The following SPOCK1 variants were observed in gnomAD, a reference collection of about 807,000 sequenced individuals.
The protein encoded by SPOCK1 is testican-1.
A neutral mutation model predicts 55.3 loss-of-function variants in SPOCK1; 23 were observed. The observed-to-expected ratio is 0.42, with a 90% CI of 0.30 to 0.59. The LOEUF (loss-of-function observed/expected upper bound fraction) is 0.59. Ranked by LOEUF, SPOCK1 falls within the 20% of genes least tolerant of loss-of-function variation. SPOCK1 has a pLI of 0.22. For synonymous variants in SPOCK1, 226 were observed against 221.0 expected, an observed-to-expected ratio of 1.02 and a Z score of -0.20; for missense variants, 499 against 552.5, an observed-to-expected ratio of 0.90 and a Z score of 0.97.
At chr5:137,471,513 A>G (rs1753737370) in intron 2 of SPOCK1, among the ~76,000 whole-genome samples, 1 of 152,198 alleles carries the variant, frequency 6.6e-6, no homozygotes, top group African/African-American at 2.4e-5. Context: ...AGTCACCGCT[A>G]TTCCTATCTG....
At chr5:137,120,297 AC>A (rs1480309672) in intron 4 of SPOCK1, among the ~76,000 whole-genome samples, 1 of 152,174 alleles carries the variant, frequency 6.6e-6, no homozygotes, top group African/African-American at 2.4e-5. Flanking sequence ...TTTCTTAAGC[AC>A]CTTCAAAACT....
chr5:137,074,345 A>G (rs1752684034), intron 5 of SPOCK1, among the ~76,000 whole-genome samples: 1 of 152,212 alleles, frequency 6.6e-6, no homozygotes, highest in South Asian at 2.1e-4. Context: ...TCTTACAGGC[A>G]TAATACCTAC....
chr5:137,398,577 G>C (rs1056878492), intron 2 of SPOCK1, among the ~76,000 whole-genome samples: 1 of 152,150 alleles, frequency 6.6e-6, no homozygotes. Context: ...CTCAGGAAGA[G>C]AGAAACAAAT....
chr5:137,243,961 A>G (rs1009410763), intron 3 of SPOCK1, among the ~76,000 whole-genome samples: 2 of 152,186 alleles, frequency 1.3e-5, no homozygotes, highest in African/African-American at 4.8e-5. Flanking sequence ...AAAAGCAATG[A>G]GGATGAAACT....
At chr5:137,376,473 C>A (rs1305426843) in intron 2 of SPOCK1, among the ~76,000 whole-genome samples, 1 of 152,204 alleles carries the variant, frequency 6.6e-6, no homozygotes, top group Non-Finnish European at 1.5e-5. Flanking sequence ...ATCACAATTG[C>A]ACTCTGATTT....
At chr5:137,129,335 T>C (rs573353912) in intron 4 of SPOCK1, among the ~76,000 whole-genome samples, 1 of 152,306 alleles carries the variant, frequency 6.6e-6, no homozygotes, top group South Asian at 2.1e-4. Context: ...ACCTTTGTAA[T>C]TGCCTGATAG....
At chr5:137,367,898 G>A (rs952155550) in intron 2 of SPOCK1, among the ~76,000 whole-genome samples, 4 of 152,230 alleles carry the variant, frequency 2.6e-5, no homozygotes, top group Non-Finnish European at 5.9e-5. Context: ...TAGCCAAGGC[G>A]AGGGCAAAGG....
intron 3 of SPOCK1, among the ~76,000 whole-genome samples, chr5:137,251,826 A>G (rs1756536073): frequency 6.6e-6 from 1 of 152,238 alleles, no homozygotes; most frequent in African/African-American, 2.4e-5. Context: ...AATACATTAC[A>G]ATTTGGTACT....
chr5:137,406,610 G>A (rs1016113991), intron 2 of SPOCK1, among the ~76,000 whole-genome samples: 1 of 152,176 alleles, frequency 6.6e-6, no homozygotes, highest in African/African-American at 2.4e-5. Flanking sequence ...GAAGAATACT[G>A]ACTACATGCC....
chr5:137,340,710 G>T (rs1369636415), intron 2 of SPOCK1, among the ~76,000 whole-genome samples: 1 of 152,012 alleles, frequency 6.6e-6, no homozygotes, highest in Non-Finnish European at 1.5e-5. Context: ...GCAAAAACTC[G>T]TCTCTACTAA....
chr5:137,396,322 G>C (rs756727366), intron 2 of SPOCK1, among the ~76,000 whole-genome samples: 6 of 152,176 alleles, frequency 3.9e-5, no homozygotes, highest in Non-Finnish European at 5.9e-5. Flanking sequence ...GTTTTTCAAA[G>C]TATGATACAA....
At chr5:137,342,009 G>A (rs879773794) in intron 2 of SPOCK1, among the ~76,000 whole-genome samples, 15 of 152,320 alleles carry the variant, frequency 9.8e-5, no homozygotes, top group South Asian at 6.2e-4. Context: ...GCCAGAGAGC[G>A]CCAGGGCTGC....
chr5:136,982,050 A>G (rs1041742657), intron 9 of SPOCK1, among the ~76,000 whole-genome samples: 1 of 152,176 alleles, frequency 6.6e-6, no homozygotes, highest in African/African-American at 2.4e-5. Flanking sequence ...AGTACGATAA[A>G]ATGGTGTACA....
At chr5:137,119,958 G>A (rs1753656203) in intron 4 of SPOCK1, among the ~76,000 whole-genome samples, 1 of 152,184 alleles carries the variant, frequency 6.6e-6, no homozygotes, top group Non-Finnish European at 1.5e-5. Flanking sequence ...GAAAAGTCAA[G>A]GAAGAGCAAG....
chr5:137,081,260 T>C (rs936295799), intron 5 of SPOCK1, among the ~76,000 whole-genome samples: 2 of 152,346 alleles, frequency 1.3e-5, no homozygotes, highest in East Asian at 3.9e-4. Context: ...CTCTCCTCGC[T>C]TACCTACAGA....
intron 8 of SPOCK1, among the ~76,000 whole-genome samples, chr5:136,987,634 G>A (rs1411663128): frequency 6.6e-6 from 1 of 152,106 alleles, no homozygotes; most frequent in East Asian, 1.9e-4. Flanking sequence ...TTTTTGTTGT[G>A]TGTGTATTGT....
At chr5:137,461,234 C>G (rs192381713) in intron 2 of SPOCK1, among the ~76,000 whole-genome samples, 7 of 152,288 alleles carry the variant, frequency 4.6e-5, no homozygotes, top group Middle Eastern at 3.4e-3. Flanking sequence ...GGGAGATCCA[C>G]GAAACTTTAC....
In SPOCK1 at chr5:136,985,221, A is replaced by G. The variant is rs1750815235; in HGVS notation, c.929-19T>C. ...GGGAGACCTAAAAAATAATTTCTGA[A>G]AGTCAGCTTCCAGATGGTATGGAGT... On this transcript the variant is annotated intron_variant, in intron 8 of 10. Coordinates refer to ENST00000394945, the MANE Select transcript of SPOCK1 (RefSeq NM_004598.4). 6.2e-7 allele frequency: 1 copy of G among 1,612,480 alleles called. No individual in the cohort carries two copies. Among genetic ancestry groups the G allele is most frequent in the African/African-American group, 1.3e-5 (1 of 75,006 alleles).
intron 3 of SPOCK1, among the ~76,000 whole-genome samples, chr5:137,263,776 A>C (rs1654665137): frequency 6.6e-6 from 1 of 152,194 alleles, no homozygotes; most frequent in Admixed American, 6.5e-5. Context: ...TAATCTCAGG[A>C]AGAATTCTTA....
Sources: gnomAD v4.1 joint callset for allele counts (sites outside exome capture counted in the v4.1 genomes callset) on GRCh38, gnomAD v4.1.1 for gene constraint, MANE v1.5 for transcripts, NCBI Gene and HGNC (gene_info 2026-07-23, HGNC 2026-07-21) for gene names.